CPNE4: variants seen among roughly 807,000 people sequenced by gnomAD.
The protein encoded by CPNE4 is copine-4.
A neutral mutation model predicts 67.9 loss-of-function variants in CPNE4; 25 were observed. The observed-to-expected ratio is 0.37, with a 90% CI of 0.27 to 0.51. The LOEUF is 0.51. CPNE4 is among the 20% of genes least tolerant of loss of function. The pLI, the probability that CPNE4 is intolerant of heterozygous loss-of-function variation, is 0.93. For missense variants in CPNE4, 464 were observed against 690.8 expected (o/e 0.67, Z 3.68); for synonymous variants, 242 against 244.9 (o/e 0.99, Z 0.11).
At chr3:131,621,286 C>G (rs1940450268) in intron 7 of CPNE4, among the ~76,000 whole-genome samples, 1 of 152,096 alleles carries the variant, frequency 6.6e-6, no homozygotes, top group Admixed American at 6.5e-5. Flanking sequence ...TTACTGTCAT[C>G]CAGGCTGGAG....
intron 2 of CPNE4, among the ~76,000 whole-genome samples, chr3:131,764,036 GGTGA>G (rs1419057741): frequency 6.6e-6 from 1 of 151,922 alleles, no homozygotes; most frequent in African/African-American, 2.4e-5. Flanking sequence ...CTATTTCACT[GGTGA>G]GTGAACTGAG....
intron 1 of CPNE4, among the ~76,000 whole-genome samples, chr3:132,028,252 T>C (rs1463444773): frequency 6.6e-6 from 1 of 152,204 alleles, no homozygotes; most frequent in Non-Finnish European, 1.5e-5. Flanking sequence ...AACACCTTAG[T>C]ATAACAGGAC....
At chr3:131,586,256 G>A (rs1432986726) in intron 8 of CPNE4, among the ~76,000 whole-genome samples, 1 of 152,160 alleles carries the variant, frequency 6.6e-6, no homozygotes, top group African/African-American at 2.4e-5. Context: ...AAGAACGGCA[G>A]GTGTCTTGGG....
chr3:131,923,892 A>T (rs2070817810), intron 1 of CPNE4, among the ~76,000 whole-genome samples: 1 of 151,932 alleles, frequency 6.6e-6, no homozygotes, highest in Admixed American at 6.6e-5. Flanking sequence ...TCTCTCCACC[A>T]AAAGTAAGAC....
intron 10 of CPNE4, among the ~76,000 whole-genome samples, chr3:131,569,466 C>G (rs187258842): frequency 6.6e-6 from 1 of 151,662 alleles, no homozygotes; most frequent in Non-Finnish European, 1.5e-5. Context: ...TGGACCCTGT[C>G]TCTACAAAAA....
chr3:131,862,712 TA>T (rs555633573), intron 2 of CPNE4, among the ~76,000 whole-genome samples: 11,559 of 150,818 alleles, frequency 0.077, 581 homozygotes, highest in East Asian at 0.17. Context: ...TATATATATA[TA>T]TATTTTTATT....
intron 10 of CPNE4, among the ~76,000 whole-genome samples, chr3:131,572,484 T>C (rs1219029649): frequency 6.6e-6 from 1 of 151,956 alleles, no homozygotes; most frequent in Non-Finnish European, 1.5e-5. Flanking sequence ...CCTCCTATTC[T>C]TTGATCTCTG....
At chr3:132,021,755 T>A (rs1242304096) in intron 1 of CPNE4, among the ~76,000 whole-genome samples, 3 of 151,888 alleles carry the variant, frequency 2.0e-5, no homozygotes, top group Non-Finnish European at 2.9e-5. Context: ...ACCTCAAACC[T>A]CCCCATTCAT....
intron 2 of CPNE4, among the ~76,000 whole-genome samples, chr3:131,857,994 T>C (rs898547264): frequency 1.3e-5 from 2 of 152,154 alleles, no homozygotes; most frequent in Non-Finnish European, 2.9e-5. Flanking sequence ...TGCAAATAAG[T>C]CTTCTTGACA....
At chr3:131,861,713 A>G (rs1459911769) in intron 2 of CPNE4, among the ~76,000 whole-genome samples, 1 of 152,164 alleles carries the variant, frequency 6.6e-6, no homozygotes, top group African/African-American at 2.4e-5. Flanking sequence ...GATTACAGAC[A>G]TGAGCCACCA....
intron 7 of CPNE4, among the ~76,000 whole-genome samples, chr3:131,615,298 C>T (rs1200592504): frequency 6.6e-6 from 1 of 152,136 alleles, no homozygotes; most frequent in African/African-American, 2.4e-5. Flanking sequence ...TTTAGGTCTC[C>T]AGCTCATAGA....
intron 1 of CPNE4, among the ~76,000 whole-genome samples, chr3:131,926,107 C>A (rs1472020863): frequency 6.6e-6 from 1 of 152,140 alleles, no homozygotes; most frequent in Non-Finnish European, 1.5e-5. Flanking sequence ...GGCCAACTAG[C>A]ATGAGCTGTT....
At chr3:131,811,146 G>A (rs930140267) in intron 2 of CPNE4, among the ~76,000 whole-genome samples, 2 of 152,172 alleles carry the variant, frequency 1.3e-5, no homozygotes, top group East Asian at 3.9e-4. Flanking sequence ...TATACTTGAA[G>A]TGTGTACAAT....
intron 2 of CPNE4, among the ~76,000 whole-genome samples, chr3:131,772,515 C>A (rs1408110190): frequency 6.6e-6 from 1 of 152,120 alleles, no homozygotes; most frequent in Non-Finnish European, 1.5e-5. Flanking sequence ...TCCCTATATG[C>A]ATCTCCTCGA....
intron 2 of CPNE4, among the ~76,000 whole-genome samples, chr3:131,759,333 C>T (rs994564042): frequency 6.6e-6 from 1 of 152,096 alleles, no homozygotes; most frequent in Admixed American, 6.5e-5. Flanking sequence ...CATCAGAATC[C>T]TCATCAGCCT....
At chr3:131,690,788 A>G (rs1398584628) in intron 5 of CPNE4, among the ~76,000 whole-genome samples, 1 of 152,124 alleles carries the variant, frequency 6.6e-6, no homozygotes, top group Admixed American at 6.6e-5. Flanking sequence ...AGAAAATATT[A>G]TCAAACTATT....
In CPNE4 at chr3:131,535,064, A is replaced by G. The variant is rs766898809; in HGVS notation, c.*131T>C. ...AAAAAAAATTGTCAGATAGTTAAAA[A>G]TCACCAAAACGTGCTATTTTTAAAT... is the stretch of plus-strand genomic sequence containing the variant. On this transcript the variant is annotated 3_prime_UTR_variant, in exon 16 of 16. Transcript: ENST00000429747. 1.8e-4 allele frequency: 178 copies of G among 992,624 alleles called. No homozygotes were observed. The highest frequency in any genetic ancestry group is 2.3e-4 in the Non-Finnish European group (162 of 711,872). The allele number at this position is 992,624 out of a possible 1,614,324, so 61.5% of individuals were successfully genotyped here. A position where few individuals can be genotyped will look rare whatever the true frequency, so the allele number is the denominator to read the frequency against.
intron 1 of CPNE4, among the ~76,000 whole-genome samples, chr3:131,936,725 T>C (rs73206096): frequency 0.087 from 13,209 of 152,068 alleles, 683 homozygotes; most frequent in Middle Eastern, 0.12. Context: ...ATGAACACAT[T>C]TTACCATTAG....
chr3:131,987,473 G>C lies in CPNE4; in HGVS notation c.-2+47094C>G, dbSNP rs754959909. Among the ~76,000 whole-genome samples, 3 of 150,378 alleles carry C rather than the reference G, an allele frequency of 2.0e-5. No individual in the cohort carries two copies. In the South Asian group the frequency reaches 6.3e-4, roughly 32 times the overall value. ...ATGATCTCAGCTCACTGTAACCTCC[G>C]TCTCCCAGGTTCAAGCGATTCTCCT... On this transcript the variant is annotated intron_variant, in intron 1 of 15. Transcript: ENST00000429747.
Sources: gnomAD v4.1 joint callset for allele counts (sites outside exome capture counted in the v4.1 genomes callset) on GRCh38, gnomAD v4.1.1 for gene constraint, MANE v1.5 for transcripts, NCBI Gene and HGNC (gene_info 2026-07-23, HGNC 2026-07-21) for gene names.